Variants in CCSER1 observed in about 807,000 individuals in gnomAD.
The protein encoded by CCSER1 is coiled-coil serine rich protein 1.
A neutral mutation model predicts 82.0 loss-of-function variants in CCSER1; 41 were observed. That is an observed-to-expected ratio of 0.50 (90% CI 0.39 to 0.65). The LOEUF is 0.65. CCSER1 is among the 30% of genes least tolerant of loss of function. The pLI is 0.00. For synonymous variants in CCSER1, 414 were observed against 383.9 expected, an observed-to-expected ratio of 1.08 and a Z score of -0.92; for missense variants, 1,119 against 1,064.2, an observed-to-expected ratio of 1.05 and a Z score of -0.72.
chr4:90,357,743 A>G (rs1744617881), intron 3 of CCSER1, among the ~76,000 whole-genome samples: 1 of 152,080 alleles, frequency 6.6e-6, no homozygotes, highest in Non-Finnish European at 1.5e-5. Context: ...AATTGACCTC[A>G]AACATCAGGA....
rs150655803 is a variant in CCSER1, at chr4:91,602,573, C to T, written c.*3516C>T. 1.9e-4 allele frequency among the ~76,000 whole-genome samples: 29 copies of T among 152,052 alleles called. No individual in the cohort carries two copies. In the East Asian group the frequency reaches 3.9e-3, roughly 20 times the overall value. ...ATTATAAAGAAATAGTAACCCATAG[C>T]AGTGGATAATTTGGAATACTTAGCA... is the stretch of plus-strand genomic sequence containing the variant. On this transcript the variant is annotated 3_prime_UTR_variant, in exon 11 of 11. Coordinates refer to ENST00000509176, the MANE Select transcript of CCSER1 (RefSeq NM_001145065.2).
intron 5 of CCSER1, among the ~76,000 whole-genome samples, chr4:90,626,421 A>G (rs1277614633): frequency 3.9e-5 from 6 of 152,256 alleles, no homozygotes; most frequent in Admixed American, 6.5e-5. Context: ...GAAAATAGCC[A>G]TAGAAAGCAT....
chr4:90,463,533 G>A (rs183115693), intron 4 of CCSER1, among the ~76,000 whole-genome samples: 60 of 152,280 alleles, frequency 3.9e-4, no homozygotes, highest in Admixed American at 2.7e-3. Flanking sequence ...TTAAATGTTT[G>A]TTAAATAATG....
intron 1 of CCSER1, among the ~76,000 whole-genome samples, chr4:90,212,553 G>A (rs1159196080): frequency 6.6e-6 from 1 of 152,050 alleles, no homozygotes; most frequent in Non-Finnish European, 1.5e-5. Context: ...ACAAAGTAGA[G>A]AATAAATTTA....
intron 1 of CCSER1, among the ~76,000 whole-genome samples, chr4:90,143,520 A>ACC (rs999011264): frequency 1.3e-5 from 2 of 151,652 alleles, no homozygotes; most frequent in African/African-American, 4.8e-5. Flanking sequence ...ACACACACAC[A>ACC]CACACACCAG....
At chr4:90,516,173 A>G (rs1772242488) in intron 5 of CCSER1, among the ~76,000 whole-genome samples, 1 of 152,180 alleles carries the variant, frequency 6.6e-6, no homozygotes, top group Admixed American at 6.5e-5. Flanking sequence ...AATGATGAGA[A>G]GGAGGCAGCC....
chr4:90,333,780 T>A (rs1022439441), intron 3 of CCSER1, among the ~76,000 whole-genome samples: 3 of 152,238 alleles, frequency 2.0e-5, no homozygotes, highest in Non-Finnish European at 2.9e-5. Flanking sequence ...GAGCATTTGA[T>A]TAACTGGATA....
At chr4:91,344,263 G>A (rs1881455) in intron 10 of CCSER1, among the ~76,000 whole-genome samples, 130,385 of 152,148 alleles carry the variant, frequency 0.86, 56,238 homozygotes, top group African/African-American at 0.96. Context: ...CTTGACACCA[G>A]TTCTTGCCAG....
intron 1 of CCSER1, among the ~76,000 whole-genome samples, chr4:90,238,190 T>C (rs1282154601): frequency 6.6e-6 from 1 of 152,216 alleles, no homozygotes; most frequent in Non-Finnish European, 1.5e-5. Flanking sequence ...GAAGCCCTTG[T>C]ACCTTATATA....
intron 10 of CCSER1, among the ~76,000 whole-genome samples, chr4:91,335,133 C>CGAA: frequency 6.6e-6 from 1 of 152,080 alleles, no homozygotes; most frequent in Middle Eastern, 3.4e-3. Context: ...TCTCCAGGCT[C>CGAA]TTTATAGATT....
chr4:91,068,337 A>G (rs1721057908), intron 9 of CCSER1, among the ~76,000 whole-genome samples: 1 of 152,242 alleles, frequency 6.6e-6, no homozygotes, highest in African/African-American at 2.4e-5. Flanking sequence ...TGATCTGTCA[A>G]AATTATGAAA....
At chr4:90,519,476 T>C (rs1359473396) in intron 5 of CCSER1, among the ~76,000 whole-genome samples, 1 of 151,884 alleles carries the variant, frequency 6.6e-6, no homozygotes, top group Non-Finnish European at 1.5e-5. Flanking sequence ...CAAAAACAAG[T>C]GTTACATAGG....
At chr4:91,051,107 A>G (rs1244389259) in intron 9 of CCSER1, among the ~76,000 whole-genome samples, 1 of 152,174 alleles carries the variant, frequency 6.6e-6, no homozygotes, top group Non-Finnish European at 1.5e-5. Context: ...GTGTTACTTC[A>G]TGTATTTCTG....
chr4:90,811,302 G>A (rs1434921160), intron 7 of CCSER1, among the ~76,000 whole-genome samples: 1 of 152,190 alleles, frequency 6.6e-6, no homozygotes, highest in Non-Finnish European at 1.5e-5. Flanking sequence ...TGAGGAGGTT[G>A]AAAGTCAAAA....
intron 1 of CCSER1, among the ~76,000 whole-genome samples, chr4:90,254,362 A>G (rs1722900652): frequency 6.6e-6 from 1 of 152,152 alleles, no homozygotes. Flanking sequence ...AATGAGTAGA[A>G]TGCTTGGCAG....
At chr4:91,583,733 A>G (rs1430564543) in intron 10 of CCSER1, among the ~76,000 whole-genome samples, 1 of 151,552 alleles carries the variant, frequency 6.6e-6, no homozygotes, top group Admixed American at 6.6e-5. Context: ...TATAAGAACT[A>G]TACAAAGTTT....
At chr4:91,310,560 C>G (rs1363591198) in intron 10 of CCSER1, among the ~76,000 whole-genome samples, 1 of 151,896 alleles carries the variant, frequency 6.6e-6, no homozygotes, top group Non-Finnish European at 1.5e-5. Flanking sequence ...TCATTTCTAG[C>G]TCTGGTCTAT....
chr4:91,401,319 T>G (rs1752305139), intron 10 of CCSER1, among the ~76,000 whole-genome samples: 1 of 148,430 alleles, frequency 6.7e-6, no homozygotes, highest in Admixed American at 6.8e-5. Flanking sequence ...AATATAGATA[T>G]ACTGTATATA....
At chr4:90,816,351 G>C (rs1759009110) in intron 8 of CCSER1, among the ~76,000 whole-genome samples, 1 of 152,044 alleles carries the variant, frequency 6.6e-6, no homozygotes, top group Non-Finnish European at 1.5e-5. Context: ...AAAATATGCA[G>C]TGTGTGTGGT....
Sources: gnomAD v4.1 joint callset for allele counts (sites outside exome capture counted in the v4.1 genomes callset) on GRCh38, gnomAD v4.1.1 for gene constraint, MANE v1.5 for transcripts, NCBI Gene and HGNC (gene_info 2026-07-23, HGNC 2026-07-21) for gene names.